Variants in ARHGEF3 observed in about 807,000 individuals in gnomAD.
ARHGEF3 encodes the protein Rho guanine nucleotide exchange factor 3, also known as 59.8 kDA protein.
A neutral mutation model predicts 63.2 loss-of-function variants in ARHGEF3; 28 were observed. The ratio of observed to expected loss-of-function variants is 0.44; its 90% CI spans 0.33 to 0.61. The LOEUF (loss-of-function observed/expected upper bound fraction) is 0.61. Among genes scored for constraint, ARHGEF3 ranks in the 20% least tolerant of loss-of-function variants. The pLI is 0.03. For missense variants in ARHGEF3, 533 were observed against 659.3 expected (o/e 0.81, Z 2.10); for synonymous variants, 266 against 254.2 (o/e 1.05, Z -0.44).
chr3:56,961,956 G>T (rs1700299769), intron 2 of ARHGEF3, among the ~76,000 whole-genome samples: 1 of 152,156 alleles, frequency 6.6e-6, no homozygotes, highest in African/African-American at 2.4e-5. Context: ...GAGGTAGGAA[G>T]ATTGCTTAAG....
At chr3:57,015,008 T>TA (rs1702926803) in intron 2 of ARHGEF3, among the ~76,000 whole-genome samples, 1 of 149,168 alleles carries the variant, frequency 6.7e-6, no homozygotes, top group Admixed American at 6.7e-5. Flanking sequence ...TTTTTTCATG[T>TA]ACTTTTTTTT....
At chr3:56,934,620 C>T (rs936517470) in intron 3 of ARHGEF3, among the ~76,000 whole-genome samples, 5 of 152,344 alleles carry the variant, frequency 3.3e-5, no homozygotes, top group East Asian at 1.9e-4. Flanking sequence ...CCAGCGGCTG[C>T]GGAGGGTGTA....
intron 4 of ARHGEF3, among the ~76,000 whole-genome samples, chr3:56,866,799 C>G (rs773131218): frequency 6.6e-6 from 1 of 152,164 alleles, no homozygotes; most frequent in African/African-American, 2.4e-5. Flanking sequence ...AATAAACACC[C>G]GTTAAGTGGA....
At chr3:57,006,453 G>A (rs980452303) in intron 2 of ARHGEF3, among the ~76,000 whole-genome samples, 18 of 152,038 alleles carry the variant, frequency 1.2e-4, no homozygotes, top group African/African-American at 3.9e-4. Context: ...GGAGCTCCCC[G>A]CTCCGATCTC....
chr3:56,897,999 C>T (rs1411103084), intron 3 of ARHGEF3, among the ~76,000 whole-genome samples: 2 of 152,014 alleles, frequency 1.3e-5, no homozygotes, highest in Non-Finnish European at 2.9e-5. Context: ...CCCACCTTGG[C>T]CTCCCAAGTA....
intron 1 of ARHGEF3, among the ~76,000 whole-genome samples, chr3:56,779,347 G>A (rs2036436895): frequency 6.6e-6 from 1 of 152,174 alleles, no homozygotes; most frequent in Non-Finnish European, 1.5e-5. Context: ...GGAAAAAGAG[G>A]AAAACAGGAC....
At chr3:56,831,679 GTTA>G (rs1429284242) in intron 4 of ARHGEF3, among the ~76,000 whole-genome samples, 3 of 152,218 alleles carry the variant, frequency 2.0e-5, no homozygotes, top group African/African-American at 7.2e-5. Flanking sequence ...CTGTCATTCA[GTTA>G]TTATGAGGCC....
intron 4 of ARHGEF3, among the ~76,000 whole-genome samples, chr3:56,814,896 A>C (rs2038210160): frequency 6.6e-6 from 1 of 152,176 alleles, no homozygotes; most frequent in African/African-American, 2.4e-5. Flanking sequence ...TGGGAGGCCA[A>C]GGTGGGAGGA....
chr3:56,982,539 G>A (rs1053457594), intron 2 of ARHGEF3, among the ~76,000 whole-genome samples: 3 of 152,022 alleles, frequency 2.0e-5, no homozygotes, highest in Admixed American at 6.6e-5. Flanking sequence ...TGTTTTCAAT[G>A]GTGTTTAGCA....
At chr3:57,057,128 T>C (rs1291128537) in intron 1 of ARHGEF3, among the ~76,000 whole-genome samples, 4 of 152,168 alleles carry the variant, frequency 2.6e-5, no homozygotes, top group Non-Finnish European at 4.4e-5. Context: ...TTATTATTTT[T>C]TGAGATGGAG....
chr3:56,737,810 T>C (rs2033730384), intron 7 of ARHGEF3, among the ~76,000 whole-genome samples: 1 of 152,170 alleles, frequency 6.6e-6, no homozygotes. Context: ...CGTCTCTCTA[T>C]ATGTACTCAA....
chr3:56,760,896 T>C (rs1490404906), intron 2 of ARHGEF3, among the ~76,000 whole-genome samples: 1 of 152,202 alleles, frequency 6.6e-6, no homozygotes. Context: ...TTAATTAGGC[T>C]GGATTAAAAG....
Position 56,773,746 on chromosome 3 carries a change from T to C in ARHGEF3, c.167A>G (p.Lys56Arg), listed in dbSNP as rs767886537. ...TSLANLIPPV[K>R]ATPLKRFSQT... ...ACTGAAGCGCTTTAATGGCGTGGCC[T>C]TCACGGGCGGGATGAGGTTTGCTAG... Residue 56 changes from lysine (K) to arginine (R), a missense_variant, in exon 2 of 10, where the codon AAG becomes AGG. Lys to Arg is a conservative substitution (Grantham distance 26, BLOSUM62 2). Coordinates refer to ENST00000296315, the MANE Select transcript of ARHGEF3 (RefSeq NM_019555.3). 5.0e-6 allele frequency: 8 copies of C among 1,598,970 alleles called. No individual in the cohort carries two copies. The South Asian group carries it at 7.9e-5, about 16-fold the overall frequency.
chr3:56,769,382 T>C (rs1413354536), intron 2 of ARHGEF3, among the ~76,000 whole-genome samples: 27 of 152,206 alleles, frequency 1.8e-4, no homozygotes, highest in Admixed American at 1.7e-3. Flanking sequence ...AGGGAATTTA[T>C]AGGCTCAGAG....
At chr3:56,903,100 A>G (rs1578803325) in intron 3 of ARHGEF3, among the ~76,000 whole-genome samples, 1 of 151,996 alleles carries the variant, frequency 6.6e-6, no homozygotes, top group Non-Finnish European at 1.5e-5. Flanking sequence ...AGAGAGAGAG[A>G]GAGAGAACGA....
At chr3:56,889,075 G>A (rs1055054591) in intron 3 of ARHGEF3, among the ~76,000 whole-genome samples, 1 of 151,944 alleles carries the variant, frequency 6.6e-6, no homozygotes, top group Non-Finnish European at 1.5e-5. Context: ...CTCTGCTTGA[G>A]AGATCCTGCT....
At chr3:56,782,954 T>A (rs1361096103) in intron 1 of ARHGEF3, among the ~76,000 whole-genome samples, 1 of 152,248 alleles carries the variant, frequency 6.6e-6, no homozygotes, top group East Asian at 1.9e-4. Context: ...ATTCTCTGTA[T>A]ATCAAGCTCT....
At chr3:56,782,773 G>C (rs139614306) in intron 1 of ARHGEF3, among the ~76,000 whole-genome samples, 1 of 152,050 alleles carries the variant, frequency 6.6e-6, no homozygotes, top group Admixed American at 6.6e-5. Flanking sequence ...CTGCAGACAG[G>C]CTTTCGGGCT....
chr3:56,755,079 G>C lies in ARHGEF3; in HGVS notation c.277C>G (p.Pro93Ala). The change falls in exon 3 of 10, where the codon CCC (proline) becomes GCC (alanine). Residue 93 changes from proline to alanine, a missense_variant. By Grantham distance (27) the Pro-to-Ala change is conservative. This residue lies in a region of ARHGEF3 where 160 missense variants were observed against 157.3 expected (regional missense o/e 1.02). Coordinates refer to ENST00000296315, the MANE Select transcript of ARHGEF3 (RefSeq NM_019555.3). ...CTATCTCTCCGTTTCGTGCTCGAGGGGGCGGCATTTCTGGACCAGGGTCGG... is the reference window on the plus strand; with the variant it reads ...CTATCTCTCCGTTTCGTGCTCGAGGCGGCGGCATTTCTGGACCAGGGTCGG... ...APRPWSRNAAPSSTKRRDSKL... is the reference protein window; with the variant it reads ...APRPWSRNAAASSTKRRDSKL... 1.2e-6 allele frequency: 2 copies of C among 1,614,110 alleles called. No individual in the cohort carries two copies. The highest frequency in any genetic ancestry group is 1.7e-6 in the Non-Finnish European group (2 of 1,180,026).
Sources: allele counts gnomAD v4.1 joint callset (sites outside exome capture counted in the v4.1 genomes callset), GRCh38; gene constraint gnomAD v4.1.1; regional missense constraint gnomAD v4.1.1; transcripts MANE v1.5; gene names NCBI Gene and HGNC (gene_info 2026-07-23, HGNC 2026-07-21).